The following ST6GALNAC3 variants were observed in gnomAD, a reference collection of about 807,000 sequenced individuals.
The protein encoded by ST6GALNAC3 is ST6 N-acetylgalactosaminide alpha-2,6-sialyltransferase 3, also known as alpha-N-acetylgalactosaminide alpha-2,6-sialyltransferase 3.
ST6GALNAC3 carries 25 observed loss-of-function variants against 32.7 expected under a neutral mutation model. The observed-to-expected ratio is 0.76, with a 90% confidence interval of 0.56 to 1.07. The LOEUF (loss-of-function observed/expected upper bound fraction) is 1.07. Ranked by LOEUF, ST6GALNAC3 falls within the 50% of genes least tolerant of loss-of-function variation. The pLI is 0.00. For missense variants in ST6GALNAC3, 355 were observed against 382.4 expected (o/e 0.93, Z 0.60); for synonymous variants, 129 against 133.1 (o/e 0.97, Z 0.21).
intron 2 of ST6GALNAC3, among the ~76,000 whole-genome samples, chr1:76,325,343 A>T (rs1167338305): frequency 6.6e-6 from 1 of 152,178 alleles, no homozygotes; most frequent in African/African-American, 2.4e-5. Flanking sequence ...AAGAAGTACA[A>T]GTTCTTCAAA....
chr1:76,213,174 G>A (rs186174965), intron 1 of ST6GALNAC3, among the ~76,000 whole-genome samples: 4 of 152,278 alleles, frequency 2.6e-5, no homozygotes, highest in African/African-American at 9.6e-5. Flanking sequence ...GTAGGGCCAT[G>A]GGGTTGGATT....
At chr1:76,508,341 T>G (rs1661610862) in intron 3 of ST6GALNAC3, among the ~76,000 whole-genome samples, 1 of 152,168 alleles carries the variant, frequency 6.6e-6, no homozygotes, top group Non-Finnish European at 1.5e-5. Context: ...CCTACTGCTG[T>G]GTTGCCCAGT....
At chr1:76,431,955 T>C (rs59220670) in intron 3 of ST6GALNAC3, among the ~76,000 whole-genome samples, 6,999 of 152,252 alleles carry the variant, frequency 0.046, 554 homozygotes, top group African/African-American at 0.16. Context: ...ATAGTTTCAC[T>C]GTCCTAAAAG....
intron 1 of ST6GALNAC3, among the ~76,000 whole-genome samples, chr1:76,256,743 T>G (rs961921035): frequency 1.3e-5 from 2 of 152,000 alleles, no homozygotes; most frequent in Non-Finnish European, 2.9e-5. Context: ...TTTTTTTTTT[T>G]TTCCTTTTTG....
intron 3 of ST6GALNAC3, among the ~76,000 whole-genome samples, chr1:76,595,073 G>A (rs924537553): frequency 6.6e-6 from 1 of 152,152 alleles, no homozygotes; most frequent in African/African-American, 2.4e-5. Context: ...CCCTGGCCGA[G>A]CAATGGATGA....
Position 76,628,929 on chromosome 1 carries a change from G to C in ST6GALNAC3, c.*123G>C. On this transcript the variant is annotated 3_prime_UTR_variant, in exon 5 of 5. Transcript: ENST00000328299. ...CAACAACAATGATTATCAAGTTCCTGTACACTCTCAGATGTGGATGGTGAC... is the reference window on the plus strand; with the variant it reads ...CAACAACAATGATTATCAAGTTCCTCTACACTCTCAGATGTGGATGGTGAC... 1.3e-6 allele frequency: 2 copies of C among 1,510,286 alleles called. No homozygotes were observed. The highest frequency in any genetic ancestry group is 4.7e-5 in the East Asian group (2 of 42,308). 93.6% of individuals were successfully genotyped at this position (1,510,286 alleles called of 1,614,324 possible). A position where few individuals can be genotyped will look rare whatever the true frequency, so the allele number is the denominator to read the frequency against.
intron 1 of ST6GALNAC3, among the ~76,000 whole-genome samples, chr1:76,078,410 A>G (rs1254400403): frequency 2.0e-5 from 3 of 152,038 alleles, no homozygotes; most frequent in Admixed American, 6.5e-5. Context: ...CTGCCAATGC[A>G]TAGCGCTAGT....
chr1:76,501,579 C>A (rs780028214), intron 3 of ST6GALNAC3, among the ~76,000 whole-genome samples: 8 of 152,054 alleles, frequency 5.3e-5, no homozygotes, highest in Non-Finnish European at 8.8e-5. Context: ...AGAAAAAAAA[C>A]CACGCCTAAT....
intron 2 of ST6GALNAC3, among the ~76,000 whole-genome samples, chr1:76,384,557 A>C (rs1186064279): frequency 6.6e-6 from 1 of 152,138 alleles, no homozygotes; most frequent in Non-Finnish European, 1.5e-5. Flanking sequence ...GACATATAGA[A>C]CTCTACATCT....
chr1:76,319,618 C>T (rs375856180), intron 2 of ST6GALNAC3, among the ~76,000 whole-genome samples: 9 of 152,156 alleles, frequency 5.9e-5, no homozygotes, highest in East Asian at 1.9e-4. Flanking sequence ...TTGGGTTTTA[C>T]GTAAGTATAT....
intron 3 of ST6GALNAC3, among the ~76,000 whole-genome samples, chr1:76,501,631 G>A (rs1285162249): frequency 6.6e-6 from 1 of 152,156 alleles, no homozygotes; most frequent in Non-Finnish European, 1.5e-5. Flanking sequence ...TTAAACGAAA[G>A]ATAAAGAGGC....
intron 1 of ST6GALNAC3, among the ~76,000 whole-genome samples, chr1:76,197,425 T>C (rs915357246): frequency 4.0e-5 from 6 of 149,740 alleles, no homozygotes; most frequent in Admixed American, 1.3e-4. Context: ...CAGTACAATG[T>C]CACAATGTCA....
intron 3 of ST6GALNAC3, among the ~76,000 whole-genome samples, chr1:76,556,412 C>T (rs1400531136): frequency 1.3e-5 from 2 of 151,904 alleles, no homozygotes; most frequent in Admixed American, 1.3e-4. Context: ...AGTGGAATTG[C>T]TGGTGCTTAT....
intron 1 of ST6GALNAC3, among the ~76,000 whole-genome samples, chr1:76,121,058 C>T (rs1447784584): frequency 6.6e-6 from 1 of 152,230 alleles, no homozygotes; most frequent in Non-Finnish European, 1.5e-5. Flanking sequence ...CTGCTTCCAG[C>T]TTTCCCTTAT....
intron 2 of ST6GALNAC3, among the ~76,000 whole-genome samples, chr1:76,369,468 T>C (rs1241061227): frequency 1.3e-5 from 2 of 152,208 alleles, no homozygotes; most frequent in African/African-American, 2.4e-5. Flanking sequence ...GGTGATTCTA[T>C]TGCATTATCT....
intron 2 of ST6GALNAC3, chr1:76,353,769 A>G (rs1464976550): frequency 1.3e-5 from 2 of 152,618 alleles, no homozygotes; most frequent in African/African-American, 4.8e-5. Context: ...GCTGCCACCC[A>G]TGAGCTGGCC....
In ST6GALNAC3 at chr1:76,423,402, C is replaced by T. The variant is rs116914176; in HGVS notation, c.623+10985C>T. Among the ~76,000 whole-genome samples the T allele has an allele frequency of 3.9e-4, 59 of 151,964 alleles. 1 individual carries two copies. In the East Asian group the frequency reaches 8.9e-3, roughly 23 times the overall value. On this transcript the variant is annotated intron_variant, in intron 3 of 4. Coordinates refer to ENST00000328299, the MANE Select transcript of ST6GALNAC3 (RefSeq NM_152996.4). ...AAGGAATATTATGACCAAAGCCAAG[C>T]GTTCTTTTTCATTTATTGTATGCTT... is the stretch of plus-strand genomic sequence containing the variant.
chr1:76,623,172 C>T (rs979018024), intron 3 of ST6GALNAC3, among the ~76,000 whole-genome samples: 23 of 151,930 alleles, frequency 1.5e-4, no homozygotes, highest in African/African-American at 5.3e-4. Flanking sequence ...AAGGTCGTAT[C>T]TTAAATGATA....
At chr1:76,287,443 A>G (rs3904687) in intron 1 of ST6GALNAC3, among the ~76,000 whole-genome samples, 15,925 of 149,536 alleles carry the variant, frequency 0.11, 1,199 homozygotes, top group East Asian at 0.27. Context: ...ATGGTGCACA[A>G]ATCCCCTCAG....
Sources: allele counts gnomAD v4.1 joint callset (sites outside exome capture counted in the v4.1 genomes callset), GRCh38; gene constraint gnomAD v4.1.1; transcripts MANE v1.5; gene names NCBI Gene and HGNC (gene_info 2026-07-23, HGNC 2026-07-21).